The following TRPS1 variants were observed in gnomAD, a reference collection of about 807,000 sequenced individuals.
The protein encoded by TRPS1 is zinc finger transcription factor Trps1.
In TRPS1, 6 loss-of-function variants were observed where a neutral mutation model predicts 101.2. The ratio of observed to expected loss-of-function variants is 0.06; its 90% confidence interval spans 0.03 to 0.12. The LOEUF is 0.12. Among genes scored for constraint, TRPS1 ranks in the 10% least tolerant of loss-of-function variants. The pLI, the probability that TRPS1 is intolerant of heterozygous loss-of-function variation, is 1.00. For missense variants in TRPS1, 1,363 were observed against 1,567.0 expected, an observed-to-expected ratio of 0.87 and a Z score of 2.20; for synonymous variants, 578 against 589.8, an observed-to-expected ratio of 0.98 and a Z score of 0.29.
chr8:115,425,439 C>T (rs998001425), intron 5 of TRPS1, among the ~76,000 whole-genome samples: 14 of 152,186 alleles, frequency 9.2e-5, no homozygotes, highest in African/African-American at 3.4e-4. Context: ...GTAAACTAAA[C>T]TGGCATCTCT....
intron 1 of TRPS1, among the ~76,000 whole-genome samples, chr8:115,630,999 CAA>C (rs1172169354): frequency 3.3e-5 from 5 of 152,096 alleles, no homozygotes; most frequent in Non-Finnish European, 7.4e-5. Context: ...ATAGTTACGT[CAA>C]GTGAATGAAT....
At chr8:115,640,806 A>G (rs978738349) in intron 1 of TRPS1, among the ~76,000 whole-genome samples, 7 of 152,208 alleles carry the variant, frequency 4.6e-5, no homozygotes, top group Admixed American at 6.5e-5. Flanking sequence ...GCTGAAAACT[A>G]AGTTTTGGAT....
At chr8:115,493,482 T>C (rs1815077612) in intron 5 of TRPS1, among the ~76,000 whole-genome samples, 1 of 152,116 alleles carries the variant, frequency 6.6e-6, no homozygotes, top group African/African-American at 2.4e-5. Flanking sequence ...CCCAAGTGGC[T>C]AGGATTACAC....
In TRPS1 at chr8:115,449,363, C is replaced by T. The variant is rs138451289; in HGVS notation, c.2701-30911G>A. 2.7e-3 allele frequency among the ~76,000 whole-genome samples: 408 copies of T among 152,214 alleles called. 1 individual carries two copies. The highest frequency in any genetic ancestry group is 4.5e-3 in the Non-Finnish European group (308 of 68,012). On this transcript the variant is annotated intron_variant, in intron 5 of 6. Coordinates refer to ENST00000395715, the MANE Select transcript of TRPS1 (RefSeq NM_014112.5). ...ACCTATGATGCAATCTCAATGGCAA[C>T]AAAATCAGGGAAATGGATTTTCTGC...
intron 5 of TRPS1, among the ~76,000 whole-genome samples, chr8:115,555,089 C>G (rs756340789): frequency 2.0e-5 from 3 of 152,208 alleles, no homozygotes; most frequent in Non-Finnish European, 4.4e-5. Flanking sequence ...CACCCAAACC[C>G]TAGAAGCTAC....
intron 5 of TRPS1, among the ~76,000 whole-genome samples, chr8:115,479,392 C>G (rs977077298): frequency 6.6e-6 from 1 of 151,908 alleles, no homozygotes. Flanking sequence ...TGTATCTGAC[C>G]AGAAGCTGAT....
intron 4 of TRPS1, among the ~76,000 whole-genome samples, chr8:115,593,174 C>T (rs745819600): frequency 2.6e-5 from 4 of 152,058 alleles, no homozygotes; most frequent in African/African-American, 7.2e-5. Flanking sequence ...TCACATACAC[C>T]TTCTGAGTCA....
At position 115,418,442 on chromosome 8, in the gene TRPS1, C is replaced by T; in HGVS notation, c.2711G>A (p.Gly904Asp). 1 of 1,614,082 alleles carries T rather than the reference C, an allele frequency of 6.2e-7. No homozygotes were observed. Among genetic ancestry groups the T allele is most frequent in the Non-Finnish European group, 8.5e-7 (1 of 1,179,976 alleles). The change falls in exon 6 of 7, where the codon GGC becomes GAC. Residue 904 changes from glycine to aspartate, a missense_variant. Physicochemically the swap from Gly to Asp is moderately conservative, Grantham distance 94. This residue lies in a region of TRPS1 where 22 missense variants were observed against 37.9 expected (regional missense o/e 0.58). Transcript: ENST00000395715. This position sits in a 1 kb window ranked among gnomAD's most constrained non-coding sequence, Gnocchi z 4.3. ...GCAATTGGCACAAAAAACACCGGAG[C>T]CTCTACGCCTCTGAAACAGGGGAAA... is the stretch of plus-strand genomic sequence containing the variant. The part of the protein sequence containing the change: ...ESQSLLRRRR[G>D]SGVFCANCLT...
chr8:115,535,548 C>CATAT (rs140856876), intron 5 of TRPS1, among the ~76,000 whole-genome samples: 20 of 145,212 alleles, frequency 1.4e-4, no homozygotes, highest in African/African-American at 4.0e-4. Flanking sequence ...ATATATAGCG[C>CATAT]ATATATATAT....
At chr8:115,642,269 T>C (rs1488993738) in intron 1 of TRPS1, among the ~76,000 whole-genome samples, 2 of 142,882 alleles carry the variant, frequency 1.4e-5, no homozygotes, top group Non-Finnish European at 1.5e-5. Flanking sequence ...TATACACACA[T>C]ACACATTCAA....
Position 115,414,325 on chromosome 8 carries a change from T to C in TRPS1, c.3583A>G (p.Lys1195Glu). The change falls in exon 7 of 7, where the codon AAG becomes GAG. Residue 1195 changes from lysine (K) to glutamate (E), a missense_variant. Physicochemically the swap from Lys to Glu is moderately conservative, Grantham distance 56 (BLOSUM62 1). This residue lies in a region of TRPS1 where 307 missense variants were observed against 392.4 expected (regional missense o/e 0.78). Transcript: ENST00000395715. The surrounding 1 kb of genome is among the most constrained non-coding windows in gnomAD (Gnocchi z 4.8). ...TTTGGTGGTGCCTTCGTTTTCTCCT[T>C]GGAGGCACCGTTTGCAGTTGGCCCA... ...RPGPTANGASKEKTKAPPNVK... is the reference protein window; with the variant it reads ...RPGPTANGASEEKTKAPPNVK... 6.2e-7 allele frequency: 1 copy of C among 1,613,996 alleles called. No individual in the cohort carries two copies. Among genetic ancestry groups the C allele is most frequent in the Non-Finnish European group, 8.5e-7 (1 of 1,179,942 alleles).
intron 5 of TRPS1, among the ~76,000 whole-genome samples, chr8:115,546,274 T>G (rs1816568281): frequency 2.0e-5 from 3 of 151,922 alleles, no homozygotes; most frequent in Admixed American, 2.0e-4. Flanking sequence ...AAAAAGCATT[T>G]GCAATAGTTT....
intron 1 of TRPS1, among the ~76,000 whole-genome samples, chr8:115,630,551 A>G (rs1218461694): frequency 6.6e-6 from 1 of 152,032 alleles, no homozygotes; most frequent in Non-Finnish European, 1.5e-5. Flanking sequence ...GTTGAAAGAA[A>G]CCAAAAGTCA....
intron 1 of TRPS1, among the ~76,000 whole-genome samples, chr8:115,628,312 C>A (rs1005415969): frequency 2.6e-5 from 4 of 151,754 alleles, no homozygotes; most frequent in Non-Finnish European, 4.4e-5. Flanking sequence ...AATCCATTCA[C>A]GCAACAAAAG....
chr8:115,634,403 G>T (rs888499335), intron 1 of TRPS1, among the ~76,000 whole-genome samples: 2 of 152,114 alleles, frequency 1.3e-5, no homozygotes, highest in East Asian at 3.9e-4. Context: ...GGAAAGAAAA[G>T]GATGTTTGTT....
At chr8:115,583,617 C>G (rs1216197001) in intron 5 of TRPS1, among the ~76,000 whole-genome samples, 1 of 151,780 alleles carries the variant, frequency 6.6e-6, no homozygotes, top group Non-Finnish European at 1.5e-5. Flanking sequence ...CCTACTAACA[C>G]AAGAAAATAC....
At chr8:115,610,782 A>G (rs1818144224) in intron 3 of TRPS1, among the ~76,000 whole-genome samples, 1 of 152,192 alleles carries the variant, frequency 6.6e-6, no homozygotes, top group Non-Finnish European at 1.5e-5. Flanking sequence ...TTTCTATATT[A>G]TCTGGTATTT....
At chr8:115,573,590 G>A (rs1010990125) in intron 5 of TRPS1, among the ~76,000 whole-genome samples, 27 of 151,924 alleles carry the variant, frequency 1.8e-4, no homozygotes, top group African/African-American at 5.8e-4. Context: ...CCTCAACCCC[G>A]TCCACCTCCT....
At position 115,592,311 on chromosome 8, in the gene TRPS1, T is replaced by C. The variant is rs144146525; in HGVS notation, c.2097-4707A>G. Among the ~76,000 whole-genome samples, 396 of 152,272 alleles carry C rather than the reference T, an allele frequency of 2.6e-3. 2 individuals carry two copies. The highest frequency in any genetic ancestry group is 9.0e-3 in the African/African-American group (374 of 41,564). ...AGTACCCATAAACTGTATTACTAGC[T>C]ACATCATGGCTCTAAGCAACTTAAT... On this transcript the variant is annotated intron_variant, in intron 4 of 6. Transcript: ENST00000395715.
Sources: gnomAD v4.1 joint callset for allele counts (sites outside exome capture counted in the v4.1 genomes callset) on GRCh38, gnomAD v4.1.1 for gene constraint, gnomAD v4.1.1 regional missense constraint, Gnocchi (gnomAD v3.1) non-coding constraint, MANE v1.5 for transcripts, NCBI Gene and HGNC (gene_info 2026-07-23, HGNC 2026-07-21) for gene names.